Variants in SPAG16 observed in about 807,000 individuals in gnomAD.
The protein encoded by SPAG16 is sperm associated antigen 16, also known as sperm-associated antigen 16 protein.
A neutral mutation model predicts 80.4 loss-of-function variants in SPAG16; 86 were observed. The ratio of observed to expected loss-of-function variants is 1.07; its 90% CI spans 0.90 to 1.28. The LOEUF is 1.28. SPAG16 is among the 50% of genes most tolerant of loss of function. The pLI, the probability that SPAG16 is intolerant of heterozygous loss-of-function variation, is 0.00. For missense variants in SPAG16, 870 were observed against 765.3 expected (o/e 1.14, Z -1.61); for synonymous variants, 294 against 265.9 (o/e 1.11, Z -1.03).
At chr2:213,288,135 C>A (rs1435692748) in intron 1 of SPAG16, among the ~76,000 whole-genome samples, 3 of 152,044 alleles carry the variant, frequency 2.0e-5, no homozygotes, top group Non-Finnish European at 4.4e-5. Context: ...TCAGATTGGT[C>A]TCGAACTCCT....
chr2:214,248,198 C>T (rs1207821337), intron 15 of SPAG16, among the ~76,000 whole-genome samples: 3 of 151,570 alleles, frequency 2.0e-5, no homozygotes, highest in African/African-American at 7.3e-5. Flanking sequence ...ATGCATCTAA[C>T]AAGAGTGCTG....
intron 10 of SPAG16, among the ~76,000 whole-genome samples, chr2:213,855,771 C>G (rs1280687700): frequency 6.6e-6 from 1 of 152,138 alleles, no homozygotes. Flanking sequence ...CACTTACTGT[C>G]ATCAGAACAA....
At chr2:213,581,843 T>C (rs2060308341) in intron 10 of SPAG16, among the ~76,000 whole-genome samples, 1 of 152,172 alleles carries the variant, frequency 6.6e-6, no homozygotes, top group Non-Finnish European at 1.5e-5. Flanking sequence ...ATTTATAAGA[T>C]GTGAATCAAG....
At chr2:214,172,084 G>GT (rs200312462) in intron 15 of SPAG16, among the ~76,000 whole-genome samples, 85 of 146,488 alleles carry the variant, frequency 5.8e-4, no homozygotes, top group Middle Eastern at 7.2e-3. Context: ...TGCATACTTT[G>GT]TTTTTTTTTT....
chr2:213,370,323 T>C (rs950994084), intron 8 of SPAG16, among the ~76,000 whole-genome samples: 2 of 152,208 alleles, frequency 1.3e-5, no homozygotes, highest in African/African-American at 4.8e-5. Context: ...CTGTTGAATA[T>C]ATGCAAAGAA....
At chr2:213,744,277 G>C (rs2067713133) in intron 10 of SPAG16, among the ~76,000 whole-genome samples, 2 of 152,104 alleles carry the variant, frequency 1.3e-5, no homozygotes, top group South Asian at 4.1e-4. Flanking sequence ...TGTGCCCTCT[G>C]AGGATACAGT....
intron 10 of SPAG16, among the ~76,000 whole-genome samples, chr2:213,853,106 C>G (rs1188576354): frequency 6.6e-6 from 1 of 152,202 alleles, no homozygotes; most frequent in Admixed American, 6.5e-5. Context: ...TTTCCACCCA[C>G]TGTGCATCTT....
At chr2:213,550,547 A>G (rs2076749630) in intron 10 of SPAG16, among the ~76,000 whole-genome samples, 1 of 152,114 alleles carries the variant, frequency 6.6e-6, no homozygotes, top group African/African-American at 2.4e-5. Flanking sequence ...GATCAATCTC[A>G]TGGAAGAATA....
At chr2:213,560,210 C>A (rs1005242784) in intron 10 of SPAG16, among the ~76,000 whole-genome samples, 2 of 151,844 alleles carry the variant, frequency 1.3e-5, no homozygotes, top group Admixed American at 6.6e-5. Flanking sequence ...TGGATCTCAG[C>A]AAAATTCTAG....
chr2:214,010,281 T>A, intron 12 of SPAG16, among the ~76,000 whole-genome samples: 1 of 143,202 alleles, frequency 7.0e-6, no homozygotes, highest in African/African-American at 2.8e-5. Flanking sequence ...ATATTAAAAA[T>A]GAAAAAAATA....
intron 15 of SPAG16, among the ~76,000 whole-genome samples, chr2:214,249,283 A>G (rs1287814880): frequency 6.6e-6 from 1 of 152,214 alleles, no homozygotes; most frequent in Non-Finnish European, 1.5e-5. Context: ...TGATGGACAA[A>G]CTAATCCAGA....
At chr2:213,831,981 C>G (rs1027378922) in intron 10 of SPAG16, among the ~76,000 whole-genome samples, 1 of 151,818 alleles carries the variant, frequency 6.6e-6, no homozygotes, top group African/African-American at 2.4e-5. Context: ...GAAATTTTTG[C>G]TTTTAATTCT....
At chr2:214,128,754 A>C (rs1278911705) in intron 14 of SPAG16, among the ~76,000 whole-genome samples, 3 of 151,954 alleles carry the variant, frequency 2.0e-5, no homozygotes, top group African/African-American at 2.4e-5. Flanking sequence ...AAATTCATCA[A>C]GTTTACCTTG....
chr2:214,358,533 A>G (rs761343392), intron 15 of SPAG16, among the ~76,000 whole-genome samples: 9 of 151,566 alleles, frequency 5.9e-5, no homozygotes, highest in African/African-American at 2.2e-4. Flanking sequence ...CATTTGGTTT[A>G]TCATATTATC....
chr2:213,677,048 C>T (rs981516609), intron 10 of SPAG16, among the ~76,000 whole-genome samples: 1 of 151,970 alleles, frequency 6.6e-6, no homozygotes, highest in Non-Finnish European at 1.5e-5. Flanking sequence ...TTGATTATTG[C>T]CACATTTCAG....
At chr2:213,892,731 A>G (rs1025310886) in intron 11 of SPAG16, among the ~76,000 whole-genome samples, 1 of 152,186 alleles carries the variant, frequency 6.6e-6, no homozygotes, top group Non-Finnish European at 1.5e-5. Context: ...CAGTGGACTC[A>G]AACACAGCCT....
intron 9 of SPAG16, among the ~76,000 whole-genome samples, chr2:213,418,244 T>A (rs1253372167): frequency 6.6e-6 from 1 of 151,882 alleles, no homozygotes; most frequent in Admixed American, 6.6e-5. Context: ...CATGGATATT[T>A]ATATCCATCT....
chr2:214,404,690 GAA>G (rs1459363863), intron 15 of SPAG16, among the ~76,000 whole-genome samples: 1 of 152,046 alleles, frequency 6.6e-6, no homozygotes, highest in Non-Finnish European at 1.5e-5. Context: ...TTTAAAAAAA[GAA>G]AGAATGGCTA....
At chr2:214,262,247 CA>C (rs1691228613) in intron 15 of SPAG16, among the ~76,000 whole-genome samples, 2 of 151,876 alleles carry the variant, frequency 1.3e-5, no homozygotes, top group Non-Finnish European at 2.9e-5. Flanking sequence ...ACCAAGGAAA[CA>C]GGAGGGAATT....
Sources: allele counts gnomAD v4.1 joint callset (sites outside exome capture counted in the v4.1 genomes callset), GRCh38; gene constraint gnomAD v4.1.1; transcripts MANE v1.5; gene names NCBI Gene and HGNC (gene_info 2026-07-23, HGNC 2026-07-21).